Variants in PARD3 observed in about 807,000 individuals in gnomAD.
The protein encoded by PARD3 is par-3 family cell polarity regulator.
PARD3 carries 75 observed loss-of-function variants against 155.4 expected under a neutral mutation model. The observed-to-expected ratio is 0.48, with a 90% CI of 0.40 to 0.58. The LOEUF is 0.58. Ranked by LOEUF, PARD3 falls within the 20% of genes least tolerant of loss-of-function variation. PARD3 has a pLI of 0.00. For synonymous variants in PARD3, 576 were observed against 610.5 expected (o/e 0.94, Z 0.83); for missense variants, 1,642 against 1,721.7 (o/e 0.95, Z 0.82).
At chr10:34,140,578 C>T (rs1948135622) in intron 22 of PARD3, among the ~76,000 whole-genome samples, 1 of 152,172 alleles carries the variant, frequency 6.6e-6, no homozygotes, top group African/African-American at 2.4e-5. Context: ...TGGCTATTCA[C>T]TATGGCTCTA....
At chr10:34,430,924 C>T (rs1266832073) in intron 5 of PARD3, among the ~76,000 whole-genome samples, 2 of 152,206 alleles carry the variant, frequency 1.3e-5, no homozygotes, top group Non-Finnish European at 2.9e-5. Context: ...TTTTACTCCA[C>T]AGAAATGAAG....
chr10:34,710,522 T>C (rs961467665), intron 1 of PARD3, among the ~76,000 whole-genome samples: 1 of 152,210 alleles, frequency 6.6e-6, no homozygotes, highest in African/African-American at 2.4e-5. Flanking sequence ...GCTACATTTA[T>C]CTTCACAAAA....
chr10:34,814,914 G>A lies in PARD3; in HGVS notation c.82C>T (p.Gln28Ter). Reference sequence around the variant, plus strand: ...TTCCGGTAGCGGGTCACCGCCTGCTGGATGAGGCTGAAAACTTTCATGTGG... The same window carrying A: ...TTCCGGTAGCGGGTCACCGCCTGCTAGATGAGGCTGAAAACTTTCATGTGG... ...DGHMKVFSLI[Q>*]QAVTRYRKAI... Residue 28 changes from glutamine to a stop codon, truncating the protein, a stop_gained, in exon 1 of 25, where the codon CAG (glutamine) becomes TAG (stop). Transcript: ENST00000374788. LOFTEE classifies it high-confidence loss of function. The A allele has an allele frequency of 6.4e-7, 1 of 1,561,216 alleles. No homozygotes were observed.
At chr10:34,529,183 A>C (rs993233841) in intron 2 of PARD3, among the ~76,000 whole-genome samples, 6 of 152,198 alleles carry the variant, frequency 3.9e-5, no homozygotes, top group Non-Finnish European at 8.8e-5. Context: ...TGCCGTCCAC[A>C]CTTAGGTACA....
intron 2 of PARD3, among the ~76,000 whole-genome samples, chr10:34,557,733 C>A (rs2085119222): frequency 6.6e-6 from 1 of 151,948 alleles, no homozygotes; most frequent in Non-Finnish European, 1.5e-5. Context: ...GCTGGGATTA[C>A]AGGCATGAGC....
intron 1 of PARD3, among the ~76,000 whole-genome samples, chr10:34,757,486 C>T (rs1213887243): frequency 6.6e-6 from 1 of 152,136 alleles, no homozygotes. Context: ...AGGCAGATCA[C>T]TTGAGGCCAG....
At chr10:34,310,715 A>G (rs945392056) in intron 20 of PARD3, among the ~76,000 whole-genome samples, 2 of 152,232 alleles carry the variant, frequency 1.3e-5, no homozygotes, top group East Asian at 1.9e-4. Context: ...TGTCTTTGCT[A>G]GCAGGTCAGT....
intron 22 of PARD3, among the ~76,000 whole-genome samples, chr10:34,245,861 A>G (rs1953916574): frequency 6.6e-6 from 1 of 152,218 alleles, no homozygotes; most frequent in Admixed American, 6.5e-5. Flanking sequence ...ATGTGTGCAG[A>G]GCCAGGCTTG....
At chr10:34,422,312 C>T (rs913724632) in intron 5 of PARD3, among the ~76,000 whole-genome samples, 1 of 152,102 alleles carries the variant, frequency 6.6e-6, no homozygotes, top group African/African-American at 2.4e-5. Context: ...CCCATAGGAT[C>T]TGTTTAAGAA....
intron 2 of PARD3, among the ~76,000 whole-genome samples, chr10:34,670,493 A>G (rs755568616): frequency 2.0e-5 from 3 of 152,192 alleles, no homozygotes; most frequent in South Asian, 2.1e-4. Flanking sequence ...TCACCTGGCA[A>G]TGTTTAGGCT....
intron 1 of PARD3, among the ~76,000 whole-genome samples, chr10:34,725,148 TG>T: frequency 9.0e-6 from 1 of 111,616 alleles, no homozygotes; most frequent in African/African-American, 3.3e-5. Flanking sequence ...TGTGTGTGTG[TG>T]TGACAGAGAG....
intron 20 of PARD3, among the ~76,000 whole-genome samples, chr10:34,316,633 A>G (rs1463075202): frequency 6.6e-6 from 1 of 152,178 alleles, no homozygotes. Flanking sequence ...CACACACAAA[A>G]AAGAACAAAC....
chr10:34,518,140 A>C (rs1013898964), intron 2 of PARD3, among the ~76,000 whole-genome samples: 2 of 152,202 alleles, frequency 1.3e-5, no homozygotes. Context: ...CAGCCTCCCA[A>C]AGTGCTGGGA....
chr10:34,674,573 G>A (rs551602527), intron 2 of PARD3, among the ~76,000 whole-genome samples: 4 of 141,030 alleles, frequency 2.8e-5, no homozygotes, highest in East Asian at 2.2e-4. Context: ...TGCAACCTCC[G>A]TCTCCCGGGT....
chr10:34,384,363 G>C, intron 7 of PARD3, 109 bp from the exon 8 acceptor site: 1 of 1,064,938 alleles, frequency 9.4e-7, no homozygotes, highest in Admixed American at 2.3e-5. Flanking sequence ...TTACAAAGGA[G>C]CATGTTAAAA....
intron 22 of PARD3, among the ~76,000 whole-genome samples, chr10:34,198,591 T>C (rs983273585): frequency 6.6e-6 from 1 of 152,062 alleles, no homozygotes; most frequent in African/African-American, 2.4e-5. Flanking sequence ...TTCTGCATTT[T>C]AGAATATTTA....
intron 3 of PARD3, among the ~76,000 whole-genome samples, chr10:34,477,903 C>T (rs777654439): frequency 1.3e-5 from 2 of 152,184 alleles, no homozygotes; most frequent in Non-Finnish European, 2.9e-5. Context: ...CATACATTTC[C>T]TAAAGAGACA....
chr10:34,796,002 T>C (rs950868430), intron 1 of PARD3, among the ~76,000 whole-genome samples: 1 of 152,210 alleles, frequency 6.6e-6, no homozygotes, highest in Non-Finnish European at 1.5e-5. Context: ...TTCATGATCT[T>C]ACACTTCAAG....
At chr10:34,393,727 C>T (rs1301960047) in intron 7 of PARD3, among the ~76,000 whole-genome samples, 1 of 151,688 alleles carries the variant, frequency 6.6e-6, no homozygotes, top group Non-Finnish European at 1.5e-5. Flanking sequence ...CCAGTTTCTA[C>T]TTAATTAATT....
Sources: gnomAD v4.1 joint callset for allele counts (sites outside exome capture counted in the v4.1 genomes callset) on GRCh38, gnomAD v4.1.1 for gene constraint, MANE v1.5 for transcripts, NCBI Gene and HGNC (gene_info 2026-07-23, HGNC 2026-07-21) for gene names.